The following RAB11FIP5 variants were observed in gnomAD, a reference collection of about 807,000 sequenced individuals.
RAB11FIP5 encodes the protein rab11 family-interacting protein 5.
Under a neutral mutation model 85.1 loss-of-function variants are expected in RAB11FIP5, and 48 were observed. That is an observed-to-expected ratio of 0.56 (90% CI 0.45 to 0.72). The LOEUF is 0.72. RAB11FIP5 is among the 30% of genes least tolerant of loss of function. RAB11FIP5 has a pLI of 0.00. For synonymous variants in RAB11FIP5, 729 were observed against 727.3 expected, an observed-to-expected ratio of 1.00 and a Z score of -0.04; for missense variants, 1,491 against 1,687.0, an observed-to-expected ratio of 0.88 and a Z score of 2.04.
At position 73,075,483 on chromosome 2, in the gene RAB11FIP5, G is replaced by T. The variant is rs1425339889; in HGVS notation, c.*38C>A. 6.3e-7 allele frequency: 1 copy of T among 1,589,862 alleles called. No individual in the cohort carries two copies. The highest frequency in any genetic ancestry group is 8.6e-7 in the Non-Finnish European group (1 of 1,157,884). On this transcript the variant is annotated 3_prime_UTR_variant, in exon 6 of 6. Transcript: ENST00000486777. The surrounding 1 kb of genome is among the most constrained non-coding windows in gnomAD (Gnocchi z 4.6). ...GGAGGAGAGAGGGCAGGCAGCAATA[G>T]GTCCATGCCAACCCTCCTGGGGGTA...
In RAB11FIP5 at chr2:73,112,879, C is replaced by T. The variant is rs1684699262; in HGVS notation, c.-102G>A. On this transcript the variant is annotated 5_prime_UTR_variant, in exon 1 of 6. Coordinates refer to ENST00000486777, the MANE Select transcript of RAB11FIP5 (RefSeq NM_001371272.1). ...AAGGCGGTCAGGAACCAACTCTGAG[C>T]GCCGCCGCAGCTGCGGGCTGGGCTG... 4 of 1,121,184 alleles carry T rather than the reference C, an allele frequency of 3.6e-6. No individual in the cohort carries two copies. Among genetic ancestry groups the T allele is most frequent in the Non-Finnish European group, 2.3e-6 (2 of 868,756 alleles). 69.5% of individuals were successfully genotyped at this position (1,121,184 alleles called of 1,614,324 possible). A position where few individuals can be genotyped will look rare whatever the true frequency, so the allele number is the denominator to read the frequency against.
chr2:73,098,972 G>A (rs1036126851), intron 1 of RAB11FIP5, among the ~76,000 whole-genome samples: 2 of 149,748 alleles, frequency 1.3e-5, no homozygotes, highest in Non-Finnish European at 3.0e-5. Context: ...TAGACCTCCT[G>A]TAGATCTCAT....
chr2:73,077,661 T>A (rs1460473362), intron 4 of RAB11FIP5, among the ~76,000 whole-genome samples: 1 of 152,198 alleles, frequency 6.6e-6, no homozygotes, highest in Non-Finnish European at 1.5e-5. Context: ...TGCCCCTTCC[T>A]CCCGTTGGCT....
Position 73,088,238 on chromosome 2 carries a change from G to T in RAB11FIP5, c.1380C>A (p.Pro460=), listed in dbSNP as rs748301203. Reference sequence around the variant, plus strand: ...GGTGGTGGTGGAAGAGACCCATCCGGGGCTTGCGTTCCTCCTTCCGGGCTC... The same window carrying T: ...GGTGGTGGTGGAAGAGACCCATCCGTGGCTTGCGTTCCTCCTTCCGGGCTC... ...KEGARKEERK[P]RMGLFHHHHQ... is the part of the protein sequence containing the mutation. Residue 460 remains proline, a synonymous_variant, in exon 3 of 6, where the codon CCC becomes CCA. Coordinates refer to ENST00000486777, the MANE Select transcript of RAB11FIP5 (RefSeq NM_001371272.1). 3 of 1,613,804 alleles carry T rather than the reference G, an allele frequency of 1.9e-6. No individual in the cohort carries two copies. Among genetic ancestry groups the T allele is most frequent in the Non-Finnish European group, 2.5e-6 (3 of 1,180,032 alleles).
At chr2:73,093,285 C>T (rs763511584) in intron 1 of RAB11FIP5, among the ~76,000 whole-genome samples, 5 of 152,166 alleles carry the variant, frequency 3.3e-5, no homozygotes, top group Non-Finnish European at 7.3e-5. Context: ...TCAGCTGCCA[C>T]CATCCTGCTG....
In RAB11FIP5 at chr2:73,088,104, G is replaced by A. The variant is rs142386441; in HGVS notation, c.1514C>T (p.Ala505Val). 8 of 1,612,830 alleles carry A rather than the reference G, an allele frequency of 5.0e-6. No individual in the cohort carries two copies. Among genetic ancestry groups the A allele is most frequent in the Middle Eastern group, 1.6e-4 (1 of 6,082 alleles). ...PHHSSSGEEK[A>V]KSSWFGLREA... The stretch of plus-strand genomic sequence containing the variant: ...TCTCAAGCCAAACCAGCTACTCTTG[G>A]CCTTTTCCTCCCCACTGGATGAGTG... The change falls in exon 3 of 6, where the codon GCC (alanine) becomes GTC (valine). Residue 505 changes from alanine (A) to valine (V), a missense_variant. Ala to Val is a moderately conservative substitution (Grantham distance 64). This residue lies in a region of RAB11FIP5 where 1,211 missense variants were observed against 1,338.0 expected (regional missense o/e 0.91). Coordinates refer to ENST00000486777, the MANE Select transcript of RAB11FIP5 (RefSeq NM_001371272.1).
rs1031589156 is a variant in RAB11FIP5, at chr2:73,089,319, T to A, written c.432-4A>T. On this transcript the variant is annotated splice_region_variant and splice_polypyrimidine_tract_variant and intron_variant, in intron 1 of 5. Transcript: ENST00000486777. This position sits in a 1 kb window ranked among gnomAD's most constrained non-coding sequence, Gnocchi z 4.6. ...CTTGGAGTGCAGCTTGTACCACCTGTGAGAAGAGGGGAGCAGGCAGAACTC... is the reference window on the plus strand; with the variant it reads ...CTTGGAGTGCAGCTTGTACCACCTGAGAGAAGAGGGGAGCAGGCAGAACTC... The A allele has an allele frequency of 6.2e-7, 1 of 1,612,846 alleles. No individual in the cohort carries two copies. The highest frequency in any genetic ancestry group is 1.7e-5 in the Admixed American group (1 of 60,012).
intron 1 of RAB11FIP5, among the ~76,000 whole-genome samples, chr2:73,090,770 C>T (rs1684193059): frequency 6.6e-6 from 1 of 152,230 alleles, no homozygotes; most frequent in South Asian, 2.1e-4. Flanking sequence ...AGGCAGAGCA[C>T]AGGGACTTCT....
chr2:73,098,000 G>C (rs1684355239), intron 1 of RAB11FIP5, among the ~76,000 whole-genome samples: 1 of 152,180 alleles, frequency 6.6e-6, no homozygotes, highest in Non-Finnish European at 1.5e-5. Flanking sequence ...CTGAACACAT[G>C]GAATTACATC....
chr2:73,097,081 C>G (rs954208972), intron 1 of RAB11FIP5, among the ~76,000 whole-genome samples: 4 of 151,986 alleles, frequency 2.6e-5, no homozygotes, highest in African/African-American at 9.7e-5. Context: ...TCTTGTTGCC[C>G]AGGCTGGAGC....
At position 73,080,917 on chromosome 2, in the gene RAB11FIP5, G is replaced by A; in HGVS notation, c.2315C>T (p.Ala772Val). Residue 772 changes from alanine to valine, a missense_variant, in exon 4 of 6, where the codon GCC becomes GTC. By Grantham distance (64) the Ala-to-Val change is moderately conservative (BLOSUM62 0). Transcript: ENST00000486777. Reference protein sequence around the residue: ...SGSEPDRELPAPEVEAGQSPA... With the variant: ...SGSEPDRELPVPEVEAGQSPA... ...ACTCTGCCCTGCTTCCACTTCCGGG[G>A]CTGGCAGTTCCCTGTCTGGTTCTGA... 1 of 1,232,708 alleles carries A rather than the reference G, an allele frequency of 8.1e-7. No homozygotes were observed. The highest frequency in any genetic ancestry group is 1.0e-6 in the Non-Finnish European group (1 of 988,406). 76.4% of individuals were successfully genotyped at this position (1,232,708 alleles called of 1,614,324 possible). A position where few individuals can be genotyped will look rare whatever the true frequency, so the allele number is the denominator to read the frequency against.
At position 73,088,763 on chromosome 2, in the gene RAB11FIP5, A is replaced by G; in HGVS notation, c.869-14T>C. On this transcript the variant is annotated splice_polypyrimidine_tract_variant and intron_variant, in intron 2 of 5. Coordinates refer to ENST00000486777, the MANE Select transcript of RAB11FIP5 (RefSeq NM_001371272.1). The stretch of plus-strand genomic sequence containing the variant: ...CAGAGTCCCTGCCTGCAGGGGAAAC[A>G]CACAGAGTTAGCTCGCAGGAAGAGA... The G allele has an allele frequency of 6.4e-7, 1 of 1,570,636 alleles. No individual in the cohort carries two copies. The highest frequency in any genetic ancestry group is 8.6e-7 in the Non-Finnish European group (1 of 1,160,798).
chr2:73,111,992 C>A (rs1374152731), intron 1 of RAB11FIP5, among the ~76,000 whole-genome samples: 1 of 152,174 alleles, frequency 6.6e-6, no homozygotes, highest in African/African-American at 2.4e-5. Flanking sequence ...GAAAGGGAGG[C>A]AGGCCCGGAG....
intron 1 of RAB11FIP5, among the ~76,000 whole-genome samples, chr2:73,106,126 C>T (rs182214427): frequency 2.0e-5 from 3 of 152,150 alleles, no homozygotes; most frequent in Admixed American, 2.0e-4. Flanking sequence ...AGCTGTTAAA[C>T]AGCACCTACA....
rs1044661789 is a variant in RAB11FIP5, at chr2:73,080,821, G to A, written c.2411C>T (p.Pro804Leu). ...GTCCTGGCCCTCAGCAGCGCTCTCTGGGCCCGGCAGCCTCTCCCACACACT... is the reference window on the plus strand; with the variant it reads ...GTCCTGGCCCTCAGCAGCGCTCTCTAGGCCCGGCAGCCTCTCCCACACACT... ...VISVWERLPG[P>L]ESAAEGQDDE... The change falls in exon 4 of 6, where the codon CCA (proline) becomes CTA (leucine). Residue 804 changes from proline (P) to leucine (L), a missense_variant. Pro to Leu is a moderately conservative substitution (Grantham distance 98). Around this residue, in one of 3 missense-constraint regions of RAB11FIP5, gnomAD observed 1,211 missense variants for 1,338.0 expected, o/e 0.91. Transcript: ENST00000486777. The A allele has an allele frequency of 8.1e-7, 1 of 1,232,232 alleles. No individual in the cohort carries two copies. Among genetic ancestry groups the A allele is most frequent in the African/African-American group, 1.6e-5 (1 of 64,400 alleles). 76.3% of individuals were successfully genotyped at this position (1,232,232 alleles called of 1,614,324 possible).
intron 3 of RAB11FIP5, among the ~76,000 whole-genome samples, chr2:73,085,568 G>A (rs1442613547): frequency 6.6e-6 from 1 of 152,120 alleles, no homozygotes; most frequent in African/African-American, 2.4e-5. Flanking sequence ...AAGTCCTGTG[G>A]CCAAGACAAG....
chr2:73,107,747 C>T (rs191733265), intron 1 of RAB11FIP5, among the ~76,000 whole-genome samples: 1 of 152,312 alleles, frequency 6.6e-6, no homozygotes, highest in Admixed American at 6.5e-5. Context: ...CTGAGTGCAG[C>T]CACACCCTTC....
Position 73,088,599 on chromosome 2 carries a change from C to T in RAB11FIP5, c.1019G>A (p.Gly340Glu). 2 of 1,613,612 alleles carry T rather than the reference C, an allele frequency of 1.2e-6. No individual in the cohort carries two copies. Among genetic ancestry groups the T allele is most frequent in the Non-Finnish European group, 8.5e-7 (1 of 1,180,030 alleles). Residue 340 changes from glycine to glutamate, a missense_variant, in exon 3 of 6, where the codon GGG becomes GAG. By Grantham distance (98) the Gly-to-Glu change is moderately conservative. Around this residue, in one of 3 missense-constraint regions of RAB11FIP5, gnomAD observed 1,211 missense variants for 1,338.0 expected, o/e 0.91. Coordinates refer to ENST00000486777, the MANE Select transcript of RAB11FIP5 (RefSeq NM_001371272.1). ...AASRSSLCVNGSHIYNEEPQG... is the reference protein window; with the variant it reads ...AASRSSLCVNESHIYNEEPQG... ...GGGCTCCTCATTGTAAATGTGGCTC[C>T]CATTGACACAGAGCGAAGAGCGGGA... is the stretch of plus-strand genomic sequence containing the variant.
chr2:73,088,574 G>A lies in RAB11FIP5; in HGVS notation c.1044C>T (p.Pro348=), dbSNP rs2106109916. The change falls in exon 3 of 6, where the codon CCC becomes CCT. Residue 348 remains proline, a synonymous_variant. Coordinates refer to ENST00000486777, the MANE Select transcript of RAB11FIP5 (RefSeq NM_001371272.1). ...VNGSHIYNEE[P]QGPVRHRSSI... ...AGCTGCGGTGCCGCACAGGGCCCTG[G>A]GGCTCCTCATTGTAAATGTGGCTCC... is the stretch of plus-strand genomic sequence containing the variant. 3 of 1,613,836 alleles carry A rather than the reference G, an allele frequency of 1.9e-6. No individual in the cohort carries two copies. The South Asian group carries it at 3.3e-5, about 18-fold the overall frequency.
Sources: gnomAD v4.1 joint callset for allele counts (sites outside exome capture counted in the v4.1 genomes callset) on GRCh38, gnomAD v4.1.1 for gene constraint, gnomAD v4.1.1 regional missense constraint, Gnocchi (gnomAD v3.1) non-coding constraint, MANE v1.5 for transcripts, NCBI Gene and HGNC (gene_info 2026-07-23, HGNC 2026-07-21) for gene names.